The following TRIM9 variants were observed in gnomAD, a reference collection of about 807,000 sequenced individuals.
The protein encoded by TRIM9 is tripartite motif containing 9, also known as E3 ubiquitin-protein ligase TRIM9.
TRIM9 carries 26 observed loss-of-function variants against 78.3 expected under a neutral mutation model. The ratio of observed to expected loss-of-function variants is 0.33; its 90% CI spans 0.24 to 0.46. The LOEUF is 0.46. Ranked by LOEUF, TRIM9 falls within the 20% of genes least tolerant of loss-of-function variation. The pLI is 1.00. For missense variants in TRIM9, 787 were observed against 1,036.4 expected, an observed-to-expected ratio of 0.76 and a Z score of 3.30; for synonymous variants, 398 against 416.5, an observed-to-expected ratio of 0.96 and a Z score of 0.54.
intron 1 of TRIM9, among the ~76,000 whole-genome samples, chr14:51,086,025 T>C (rs1282929646): frequency 6.6e-6 from 1 of 152,252 alleles, no homozygotes; most frequent in Non-Finnish European, 1.5e-5. Context: ...CACCACAATT[T>C]CTTTTCTAAA....
chr14:51,052,060 AAGAGG>A (rs2060477384), intron 1 of TRIM9, among the ~76,000 whole-genome samples: 1 of 123,136 alleles, frequency 8.1e-6, no homozygotes, highest in Admixed American at 7.6e-5. Context: ...AAGAGAAGAG[AAGAGG>A]AGAAGAGAAG....
intron 3 of TRIM9, among the ~76,000 whole-genome samples, chr14:51,020,444 GTC>G (rs1031132728): frequency 1.3e-5 from 2 of 152,186 alleles, no homozygotes; most frequent in Non-Finnish European, 2.9e-5. Flanking sequence ...CCAGCCACCT[GTC>G]TCTGGTTTCT....
chr14:51,064,765 G>C (rs946018941), intron 1 of TRIM9, among the ~76,000 whole-genome samples: 1 of 151,928 alleles, frequency 6.6e-6, no homozygotes, highest in Admixed American at 6.6e-5. Context: ...ATTTTAGAAA[G>C]GCCAAATTCT....
intron 8 of TRIM9, among the ~76,000 whole-genome samples, chr14:50,985,669 C>T (rs1229289956): frequency 6.6e-6 from 1 of 152,286 alleles, no homozygotes; most frequent in African/African-American, 2.4e-5. Flanking sequence ...GATGACAGAG[C>T]GGGTTATCCA....
rs547315159 is a variant in TRIM9, at chr14:51,083,018, T to C, written c.822+11100A>G. On this transcript the variant is annotated intron_variant, in intron 1 of 12. Transcript: ENST00000684578. ...CTCATCTGTAAAATGAGAATAGTAATGGTTCTTGCCTCATGGAGTTGTGGG... is the reference window on the plus strand; with the variant it reads ...CTCATCTGTAAAATGAGAATAGTAACGGTTCTTGCCTCATGGAGTTGTGGG... 2.1e-4 allele frequency among the ~76,000 whole-genome samples: 32 copies of C among 152,308 alleles called. 1 individual carries two copies. The South Asian group carries it at 6.4e-3, about 31-fold the overall frequency.
At chr14:51,007,315 C>A (rs1289441315) in intron 5 of TRIM9, among the ~76,000 whole-genome samples, 1 of 152,030 alleles carries the variant, frequency 6.6e-6, no homozygotes, top group African/African-American at 2.4e-5. Context: ...TTATCTGGGG[C>A]TCTATATTTT....
intron 1 of TRIM9, among the ~76,000 whole-genome samples, chr14:51,031,172 AAAG>A (rs2058704719): frequency 6.7e-6 from 1 of 150,126 alleles, no homozygotes. Flanking sequence ...AAAAGAAAGA[AAAG>A]AAAAGAAAGA....
intron 1 of TRIM9, among the ~76,000 whole-genome samples, chr14:51,055,811 G>A (rs117357006): frequency 2.6e-5 from 4 of 152,204 alleles, no homozygotes; most frequent in Non-Finnish European, 5.9e-5. Flanking sequence ...ACAGGGATAA[G>A]GAAACTAATA....
At chr14:51,043,849 T>C (rs1345278470) in intron 1 of TRIM9, among the ~76,000 whole-genome samples, 1 of 152,200 alleles carries the variant, frequency 6.6e-6, no homozygotes, top group East Asian at 1.9e-4. Context: ...TTTATTTTAA[T>C]GCAGTATAGA....
chr14:51,023,430 T>G (rs1207618561), intron 2 of TRIM9, among the ~76,000 whole-genome samples: 3 of 152,174 alleles, frequency 2.0e-5, no homozygotes, highest in Non-Finnish European at 1.5e-5. Flanking sequence ...AGAACAGAAG[T>G]TTATAAGAAT....
chr14:51,038,524 T>G (rs534744838), intron 1 of TRIM9, among the ~76,000 whole-genome samples: 2 of 152,312 alleles, frequency 1.3e-5, no homozygotes, highest in South Asian at 4.1e-4. Flanking sequence ...CCTGGTCTCC[T>G]TTTAAGTTGG....
At chr14:50,997,750 A>T in intron 7 of TRIM9, 1 of 1,322,534 alleles carries the variant, frequency 7.6e-7, no homozygotes, top group Non-Finnish European at 9.7e-7. Flanking sequence ...CTTACACACC[A>T]GGGGCACATT....
intron 1 of TRIM9, among the ~76,000 whole-genome samples, chr14:51,035,679 G>A (rs1352734108): frequency 6.6e-6 from 1 of 152,178 alleles, no homozygotes; most frequent in Non-Finnish European, 1.5e-5. Context: ...GATATGTAGA[G>A]AAAACAGCTT....
At chr14:51,041,935 T>A (rs1263451747) in intron 1 of TRIM9, among the ~76,000 whole-genome samples, 2 of 152,250 alleles carry the variant, frequency 1.3e-5, no homozygotes, top group Admixed American at 1.3e-4. Context: ...CCATGTAACC[T>A]TGTATCGCCG....
chr14:50,997,163 C>T, intron 7 of TRIM9: 5 of 985,372 alleles, frequency 5.1e-6, no homozygotes, highest in Non-Finnish European at 6.0e-6. Flanking sequence ...TTGGCACCAG[C>T]CACAAATACC....
chr14:51,081,979 G>T (rs991742485), intron 1 of TRIM9, among the ~76,000 whole-genome samples: 2 of 152,154 alleles, frequency 1.3e-5, no homozygotes, highest in African/African-American at 2.4e-5. Flanking sequence ...TGCCCTGGGG[G>T]TCAGAGGTCA....
intron 7 of TRIM9, among the ~76,000 whole-genome samples, chr14:50,989,745 G>C (rs1197541324): frequency 1.3e-5 from 2 of 152,178 alleles, no homozygotes; most frequent in Non-Finnish European, 2.9e-5. Context: ...TCTAGGACGG[G>C]ACTGTGTTCG....
At chr14:50,986,181 TCTG>T in intron 7 of TRIM9, 37 bp from the exon 8 acceptor site, 8 of 1,440,494 alleles carry the variant, frequency 5.6e-6, no homozygotes, top group Non-Finnish European at 7.3e-6. Flanking sequence ...AGATCAGAAG[TCTG>T]CTATTATGTC....
chr14:50,990,253 A>C (rs917555507), intron 7 of TRIM9, among the ~76,000 whole-genome samples: 2 of 152,132 alleles, frequency 1.3e-5, no homozygotes, highest in Admixed American at 1.3e-4. Context: ...ACTGGCCTCA[A>C]GCAGTCCTCC....
Sources: gnomAD v4.1 joint callset for allele counts (sites outside exome capture counted in the v4.1 genomes callset) on GRCh38, gnomAD v4.1.1 for gene constraint, MANE v1.5 for transcripts, NCBI Gene and HGNC (gene_info 2026-07-23, HGNC 2026-07-21) for gene names.